The following PAX2 variants were observed in gnomAD, a reference collection of about 807,000 sequenced individuals.
PAX2 encodes the protein paired box 2.
In PAX2, 9 loss-of-function variants were observed where a neutral mutation model predicts 41.7. The observed-to-expected ratio is 0.22, with a 90% CI of 0.13 to 0.38. The LOEUF (loss-of-function observed/expected upper bound fraction) is 0.38, where lower values mean the gene tolerates loss of function less well. PAX2 is among the 10% of genes least tolerant of loss of function. The probability of loss-of-function intolerance (pLI) is 1.00; values close to 1 mark genes in which losing one functional copy is unlikely to be tolerated. For missense variants in PAX2, 418 were observed against 531.6 expected (o/e 0.79, Z 2.10); for synonymous variants, 221 against 212.7 (o/e 1.04, Z -0.34).
rs1438957015 is a variant in PAX2 at position 100,829,719 on chromosome 10, C to A, written c.*2100C>A. ...CCAGGCTCCAGTGGCCCGAACGGGG[C>A]GGCGAGGGCGGCGAGGGCGCCGAGG... On this transcript the variant is annotated 3_prime_UTR_variant, in exon 10 of 10. Coordinates refer to ENST00000355243, the MANE Select transcript of PAX2 (RefSeq NM_000278.5). The A allele has an allele frequency of 3.2e-4, 65 of 201,378 alleles. 2 individuals are homozygous for A. In the Admixed American group the frequency reaches 3.9e-3, roughly 12 times the overall value. 12.5% of individuals were successfully genotyped at this position (201,378 alleles called of 1,614,324 possible).
chr10:100,759,233 G>A (rs975458118), intron 3 of PAX2, among the ~76,000 whole-genome samples: 7 of 152,188 alleles, frequency 4.6e-5, no homozygotes, highest in Non-Finnish European at 7.4e-5. Flanking sequence ...CTGAGGAGGG[G>A]CCCAGAGGTG....
At position 100,779,590 on chromosome 10, in the gene PAX2, G is replaced by A. The variant is rs1336102806; in HGVS notation, c.496+7G>A. The A allele has an allele frequency of 3.2e-6, 5 of 1,571,110 alleles. No homozygotes were observed. The African/African-American group carries it at 6.7e-5, about 21-fold the overall frequency. ...GCCCCTGGCCACACCATTGGTAAGA[G>A]GGCTCAGGGAAGGGGAGGAAACCAG... On this transcript the variant is annotated splice_region_variant and intron_variant, in intron 4 of 9. Coordinates refer to ENST00000355243, the MANE Select transcript of PAX2 (RefSeq NM_000278.5).
intron 3 of PAX2, among the ~76,000 whole-genome samples, chr10:100,772,238 T>G (rs986733394): frequency 3.3e-5 from 5 of 152,130 alleles, no homozygotes; most frequent in African/African-American, 4.8e-5. Context: ...ACTTCACCAC[T>G]GCAATCGTGG....
rs532556878 is a variant in PAX2, at chr10:100,829,902, A to AAAT, written c.*2295_*2297dup. 4 of 177,748 alleles carry AAAT rather than the reference A, an allele frequency of 2.3e-5. No individual in the cohort carries two copies. Among genetic ancestry groups the AAAT allele is most frequent in the Non-Finnish European group, 3.6e-5 (3 of 82,730 alleles). The allele number at this position is 177,748 out of a possible 1,614,324, so 11.0% of individuals were successfully genotyped here. A position where few individuals can be genotyped will look rare whatever the true frequency, so the allele number is the denominator to read the frequency against. ...TTTTTCTTTTGTGCACATAAGAAAT[A>AAAT]AATAATAATAATAAATAAAGAATAA... On this transcript the variant is annotated 3_prime_UTR_variant, in exon 10 of 10. Transcript: ENST00000355243.
At chr10:100,773,095 C>G (rs1365776405) in intron 3 of PAX2, among the ~76,000 whole-genome samples, 1 of 152,176 alleles carries the variant, frequency 6.6e-6, no homozygotes, top group Non-Finnish European at 1.5e-5. Context: ...AGGGATTAGT[C>G]CCTGGGATTA....
In PAX2 at chr10:100,806,474, G is replaced by A. The variant is rs979562640; in HGVS notation, c.661G>A (p.Val221Met). The change falls in exon 6 of 10, where the codon GTG becomes ATG. Residue 221 changes from valine to methionine, a missense_variant. Physicochemically the swap from Val to Met is conservative, Grantham distance 21 (BLOSUM62 1). Coordinates refer to ENST00000355243, the MANE Select transcript of PAX2 (RefSeq NM_000278.5). ...CCCCAATGGAGATTCCCAGAGTGGT[G>A]TGGACAGTTTGCGGAAGCACTTGCG... ...SVPNGDSQSG[V>M]DSLRKHLRAD... 1.2e-6 allele frequency: 2 copies of A among 1,614,114 alleles called. No homozygotes were observed. The highest frequency in any genetic ancestry group is 2.7e-5 in the African/African-American group (2 of 74,942).
At position 100,782,691 on chromosome 10, in the gene PAX2, C is replaced by T. The variant is rs113021714; in HGVS notation, c.616+1326C>T. Among the ~76,000 whole-genome samples, 590 of 152,408 alleles carry T rather than the reference C, an allele frequency of 3.9e-3. 4 individuals are homozygous for T. Among genetic ancestry groups the T allele is most frequent in the African/African-American group, 0.013 (559 of 41,600 alleles). On this transcript the variant is annotated intron_variant, in intron 5 of 9. Coordinates refer to ENST00000355243, the MANE Select transcript of PAX2 (RefSeq NM_000278.5). ...AGCTTGTCTGGCTCTATTTCTCCTT[C>T]TTCCAAAATATCCAAACCGATTTGG...
At chr10:100,794,058 C>A (rs1847235278) in intron 5 of PAX2, among the ~76,000 whole-genome samples, 1 of 152,116 alleles carries the variant, frequency 6.6e-6, no homozygotes, top group South Asian at 2.1e-4. Context: ...TTGAGAGAGG[C>A]CTTGGCTGGG....
chr10:100,808,099 T>C (rs1234839257), intron 6 of PAX2, among the ~76,000 whole-genome samples: 2 of 152,066 alleles, frequency 1.3e-5, no homozygotes, highest in South Asian at 2.1e-4. Flanking sequence ...CAGTCATTTT[T>C]CCCCCTGAAA....
chr10:100,794,491 T>A (rs1459272880), intron 5 of PAX2, among the ~76,000 whole-genome samples: 4 of 152,228 alleles, frequency 2.6e-5, no homozygotes, highest in African/African-American at 2.4e-5. Context: ...CCTTATTTAC[T>A]GAGCTCTTGG....
chr10:100,736,779 C>T (rs1022134339), intron 1 of PAX2, among the ~76,000 whole-genome samples: 59 of 152,154 alleles, frequency 3.9e-4, no homozygotes, highest in Non-Finnish European at 1.0e-4. Flanking sequence ...GCTTTTAGGG[C>T]TCTGGGCAGA....
At position 100,826,907 on chromosome 10, in the gene PAX2, T is replaced by C. The variant is rs992121384; in HGVS notation, c.1022-102T>C. 2 of 817,692 alleles carry C rather than the reference T, an allele frequency of 2.4e-6. No individual in the cohort carries two copies. The highest frequency in any genetic ancestry group is 2.7e-5 in the South Asian group (2 of 72,780). The allele number at this position is 817,692 out of a possible 1,614,324, so 50.7% of individuals were successfully genotyped here. ...TTACCCTGCCCGCGACACCTGCGCC[T>C]GAGACCCGGCGGGAGGAGCGGGCGG... On this transcript the variant is annotated intron_variant, in intron 8 of 9. Coordinates refer to ENST00000355243, the MANE Select transcript of PAX2 (RefSeq NM_000278.5). The surrounding 1 kb of genome is among the most constrained non-coding windows in gnomAD (Gnocchi z 5.5).
chr10:100,775,092 C>T (rs1193581416), intron 3 of PAX2, among the ~76,000 whole-genome samples: 1 of 152,180 alleles, frequency 6.6e-6, no homozygotes, highest in African/African-American at 2.4e-5. Flanking sequence ...AGCTTCTGAG[C>T]AGAGCTGTGT....
chr10:100,750,853 T>C lies in PAX2; in HGVS notation c.372T>C (p.Cys124=). The C allele has an allele frequency of 6.2e-7, 1 of 1,614,000 alleles. No homozygotes were observed. The highest frequency in any genetic ancestry group is 8.5e-7 in the Non-Finnish European group (1 of 1,179,944). ...IRDRLLAEGI[C]DNDTVPSVSS... is the part of the protein sequence containing the mutation. ...ACCGGCTCCTGGCCGAGGGCATCTGTGACAATGACACAGTGCCCAGCGTCT... is the reference window on the plus strand; with the variant it reads ...ACCGGCTCCTGGCCGAGGGCATCTGCGACAATGACACAGTGCCCAGCGTCT... Residue 124 remains cysteine (C), a synonymous_variant, in exon 3 of 10, where the codon TGT becomes TGC. Coordinates refer to ENST00000355243, the MANE Select transcript of PAX2 (RefSeq NM_000278.5). The surrounding 1 kb of genome is among the most constrained non-coding windows in gnomAD (Gnocchi z 4.1).
rs148926368 is a variant in PAX2 at position 100,824,699 on chromosome 10, C to A, written c.971C>A (p.Pro324His). The change falls in exon 8 of 10, where the codon CCC (proline) becomes CAC (histidine). Residue 324 changes from proline (P) to histidine (H), a missense_variant. Physicochemically the swap from Pro to His is moderately conservative, Grantham distance 77. This residue lies in a region of PAX2 where 310 missense variants were observed against 325.2 expected (regional missense o/e 0.95). Transcript: ENST00000355243. This position sits in a 1 kb window ranked among gnomAD's most constrained non-coding sequence, Gnocchi z 6.6. ...CCTGGTTACCCCCCTCACGTGCCCC[C>A]CACTGGCCAGGGAAGCTACCCCACC... is the stretch of plus-strand genomic sequence containing the variant. ...TLPGYPPHVPPTGQGSYPTST... is the reference protein window; with the variant it reads ...TLPGYPPHVPHTGQGSYPTST... 6.2e-7 allele frequency: 1 copy of A among 1,611,670 alleles called. No individual in the cohort carries two copies. Among genetic ancestry groups the A allele is most frequent in the Non-Finnish European group, 8.5e-7 (1 of 1,177,792 alleles).
chr10:100,756,465 T>G (rs1270608434), intron 3 of PAX2, among the ~76,000 whole-genome samples: 1 of 152,204 alleles, frequency 6.6e-6, no homozygotes, highest in Admixed American at 6.5e-5. Context: ...CAAACAACCA[T>G]TCTGTTTCTC....
At chr10:100,745,339 G>A (rs1450939035), upstream of PAX2, among the ~76,000 whole-genome samples, 4 of 138,276 alleles carry the variant, frequency 2.9e-5, no homozygotes, top group South Asian at 8.3e-4. Flanking sequence ...TTCCTTCGCC[G>A]GCTGCTCCCT....
At chr10:100,763,094 G>T (rs1256351718) in intron 3 of PAX2, among the ~76,000 whole-genome samples, 1 of 152,198 alleles carries the variant, frequency 6.6e-6, no homozygotes, top group Non-Finnish European at 1.5e-5. Flanking sequence ...CTGCCTGCTT[G>T]ACTGGTTTTG....
intron 3 of PAX2, among the ~76,000 whole-genome samples, chr10:100,772,125 C>A (rs761092380): frequency 6.6e-6 from 1 of 151,152 alleles, no homozygotes; most frequent in Non-Finnish European, 1.5e-5. Context: ...TTTTTAATAT[C>A]TTTTTTGTGT....
Sources: gnomAD v4.1 joint callset for allele counts (sites outside exome capture counted in the v4.1 genomes callset) on GRCh38, gnomAD v4.1.1 for gene constraint, gnomAD v4.1.1 regional missense constraint, Gnocchi (gnomAD v3.1) non-coding constraint, MANE v1.5 for transcripts, NCBI Gene and HGNC (gene_info 2026-07-23, HGNC 2026-07-21) for gene names.